Variants in PRKN observed in about 807,000 individuals in gnomAD.
PRKN encodes parkin RBR E3 ubiquitin protein ligase.
In PRKN, 56 loss-of-function variants were observed where a neutral mutation model predicts 59.5. That is an observed-to-expected ratio of 0.94 (90% CI 0.76 to 1.18). The LOEUF (loss-of-function observed/expected upper bound fraction) is 1.18, where lower values mean the gene tolerates loss of function less well. PRKN is among the 50% of genes most tolerant of loss of function. The pLI is 0.00. For synonymous variants in PRKN, 250 were observed against 222.1 expected (o/e 1.13, Z -1.12); for missense variants, 657 against 596.4 (o/e 1.10, Z -1.06).
At position 162,208,440 on chromosome 6, in the gene PRKN, G is replaced by A. The variant is rs114840948; in HGVS notation, c.413-7188C>T. ...ATTTTTGCTGGGGTTTTAAATTAAC[G>A]TATCTGCACAATAATTTGACCTACT... On this transcript the variant is annotated intron_variant, in intron 3 of 11. Transcript: ENST00000366898. Among the ~76,000 whole-genome samples, 1,127 of 152,248 alleles carry A rather than the reference G, an allele frequency of 7.4e-3. 9 individuals are homozygous for A. The highest frequency in any genetic ancestry group is 0.026 in the African/African-American group (1,071 of 41,538).
At chr6:162,242,472 G>T (rs991957463) in intron 3 of PRKN, among the ~76,000 whole-genome samples, 1 of 152,198 alleles carries the variant, frequency 6.6e-6, no homozygotes, top group Non-Finnish European at 1.5e-5. Context: ...TTTCTAAATG[G>T]ATCCTTCCCA....
At chr6:162,045,732 G>A (rs978876625) in intron 5 of PRKN, among the ~76,000 whole-genome samples, 7 of 152,204 alleles carry the variant, frequency 4.6e-5, no homozygotes, top group Non-Finnish European at 1.0e-4. Context: ...GTCCCTGGGA[G>A]CCATCAATCA....
intron 5 of PRKN, among the ~76,000 whole-genome samples, chr6:161,990,553 A>G (rs1019749399): frequency 3.3e-5 from 5 of 152,240 alleles, no homozygotes; most frequent in Non-Finnish European, 5.9e-5. Flanking sequence ...AAAGAGAAAG[A>G]TATTTTTAAA....
At chr6:162,549,277 G>A (rs1455345328) in intron 1 of PRKN, among the ~76,000 whole-genome samples, 2 of 152,140 alleles carry the variant, frequency 1.3e-5, no homozygotes, top group Admixed American at 6.5e-5. Flanking sequence ...AGCAGTGTGA[G>A]AAATACAGTT....
At chr6:161,728,943 C>G (rs1787563425) in intron 7 of PRKN, among the ~76,000 whole-genome samples, 1 of 152,184 alleles carries the variant, frequency 6.6e-6, no homozygotes, top group Non-Finnish European at 1.5e-5. Flanking sequence ...TCATGGCATT[C>G]TAGAGTTTGC....
chr6:162,137,137 A>C (rs1002560311), intron 4 of PRKN, among the ~76,000 whole-genome samples: 4 of 152,152 alleles, frequency 2.6e-5, no homozygotes, highest in Admixed American at 6.5e-5. Context: ...TCATTTATTA[A>C]AAGCCTTCAG....
intron 1 of PRKN, among the ~76,000 whole-genome samples, chr6:162,463,299 T>A (rs1013532231): frequency 2.0e-5 from 3 of 152,174 alleles, no homozygotes; most frequent in South Asian, 2.1e-4. Flanking sequence ...CACAAAGTTT[T>A]GCATGGAATC....
At chr6:161,501,445 T>C (rs1299792207) in intron 9 of PRKN, among the ~76,000 whole-genome samples, 1 of 152,256 alleles carries the variant, frequency 6.6e-6, no homozygotes, top group African/African-American at 2.4e-5. Context: ...GTTCAGCTCT[T>C]TTGCCCATTT....
intron 1 of PRKN, among the ~76,000 whole-genome samples, chr6:162,682,737 C>A (rs541250924): frequency 6.6e-6 from 1 of 151,920 alleles, no homozygotes; most frequent in Admixed American, 6.6e-5. Context: ...ATGCAATTTA[C>A]CCATGTAACA....
chr6:162,259,513 G>C (rs1037358587), intron 3 of PRKN, among the ~76,000 whole-genome samples: 3 of 152,218 alleles, frequency 2.0e-5, no homozygotes, highest in African/African-American at 7.2e-5. Flanking sequence ...TTCTGCACAT[G>C]AGAGTCTGTG....
At chr6:161,543,821 C>T (rs1475891835) in intron 9 of PRKN, among the ~76,000 whole-genome samples, 1 of 152,130 alleles carries the variant, frequency 6.6e-6, no homozygotes, top group Non-Finnish European at 1.5e-5. Flanking sequence ...ATTGCCATAG[C>T]TTTCTGCATT....
At chr6:161,777,198 G>A (rs1038516690) in intron 7 of PRKN, among the ~76,000 whole-genome samples, 2 of 152,122 alleles carry the variant, frequency 1.3e-5, no homozygotes, top group Non-Finnish European at 2.9e-5. Flanking sequence ...TAAGCACTAA[G>A]AATGGCACCA....
intron 7 of PRKN, among the ~76,000 whole-genome samples, chr6:161,681,848 C>T (rs1178837039): frequency 6.6e-6 from 1 of 152,194 alleles, no homozygotes; most frequent in African/African-American, 2.4e-5. Context: ...CTGAAGTTCT[C>T]GTTCTTCATG....
At chr6:162,095,263 G>T (rs1221835328) in intron 4 of PRKN, among the ~76,000 whole-genome samples, 3 of 152,014 alleles carry the variant, frequency 2.0e-5, no homozygotes. Context: ...AGATAGGTTA[G>T]TCCTCACGAG....
intron 3 of PRKN, among the ~76,000 whole-genome samples, chr6:162,246,197 T>C (rs1431441757): frequency 6.6e-6 from 1 of 152,150 alleles, no homozygotes; most frequent in African/African-American, 2.4e-5. Flanking sequence ...CAACTGTATT[T>C]GATTAATTAT....
At chr6:162,121,268 T>C in intron 4 of PRKN, among the ~76,000 whole-genome samples, 1 of 152,158 alleles carries the variant, frequency 6.6e-6, no homozygotes, top group African/African-American at 2.4e-5. Context: ...AATGTCTGAA[T>C]AAGATGTATG....
intron 1 of PRKN, among the ~76,000 whole-genome samples, chr6:162,613,870 T>A (rs199498445): frequency 0.08 from 12,131 of 152,076 alleles, 664 homozygotes; most frequent in East Asian, 0.3. Flanking sequence ...GAAATAAATG[T>A]GTATTGCTTA....
At chr6:162,456,204 T>C (rs1312938432) in intron 1 of PRKN, among the ~76,000 whole-genome samples, 3 of 152,122 alleles carry the variant, frequency 2.0e-5, no homozygotes, top group Admixed American at 6.5e-5. Flanking sequence ...CCCATAACAA[T>C]GAAAAGGAAG....
intron 1 of PRKN, among the ~76,000 whole-genome samples, chr6:162,614,153 T>C (rs1338966557): frequency 2.0e-5 from 3 of 152,190 alleles, no homozygotes; most frequent in East Asian, 3.8e-4. Context: ...AGTAATATTT[T>C]AATCATAAAC....
Sources: allele counts gnomAD v4.1 joint callset (sites outside exome capture counted in the v4.1 genomes callset), GRCh38; gene constraint gnomAD v4.1.1; transcripts MANE v1.5; gene names NCBI Gene and HGNC (gene_info 2026-07-23, HGNC 2026-07-21).